GPC5: variants seen among roughly 807,000 people sequenced by gnomAD.
GPC5 encodes glypican-5.
GPC5 carries 47 observed loss-of-function variants against 53.9 expected under a neutral mutation model. The ratio of observed to expected loss-of-function variants is 0.87; its 90% CI spans 0.69 to 1.11. The LOEUF (loss-of-function observed/expected upper bound fraction) is 1.11, where lower values mean the gene tolerates loss of function less well. Among genes scored for constraint, GPC5 ranks in the 50% most tolerant of loss-of-function variants. GPC5 has a pLI of 0.00. For missense variants in GPC5, 748 were observed against 713.1 expected (o/e 1.05, Z -0.56); for synonymous variants, 286 against 263.3 (o/e 1.09, Z -0.84).
At chr13:92,433,784 T>C (rs1877192314) in intron 7 of GPC5, among the ~76,000 whole-genome samples, 1 of 152,006 alleles carries the variant, frequency 6.6e-6, no homozygotes, top group Non-Finnish European at 1.5e-5. Flanking sequence ...TGGCAGAGTT[T>C]GGAAAAAGTA....
chr13:91,730,246 G>A (rs1351706287), intron 4 of GPC5, among the ~76,000 whole-genome samples: 2 of 152,138 alleles, frequency 1.3e-5, no homozygotes, highest in African/African-American at 4.8e-5. Context: ...TTATTGTACA[G>A]GTTTCTCTGT....
intron 6 of GPC5, among the ~76,000 whole-genome samples, chr13:92,091,942 C>G (rs192801259): frequency 6.6e-6 from 1 of 152,232 alleles, no homozygotes; most frequent in Non-Finnish European, 1.5e-5. Flanking sequence ...TTTTTACTTT[C>G]ATTTGTAGTT....
At chr13:92,195,604 A>G (rs1357884140) in intron 7 of GPC5, among the ~76,000 whole-genome samples, 1 of 152,136 alleles carries the variant, frequency 6.6e-6, no homozygotes, top group African/African-American at 2.4e-5. Flanking sequence ...GTCAGTAGCC[A>G]TGGTGAAGTT....
At chr13:92,033,638 C>T (rs1444073612) in intron 6 of GPC5, among the ~76,000 whole-genome samples, 1 of 152,122 alleles carries the variant, frequency 6.6e-6, no homozygotes, top group African/African-American at 2.4e-5. Flanking sequence ...TCCCTCTCCC[C>T]CAGATTTTTC....
intron 7 of GPC5, among the ~76,000 whole-genome samples, chr13:92,297,929 C>T (rs556282621): frequency 4.3e-4 from 65 of 152,212 alleles, no homozygotes; most frequent in South Asian, 1.9e-3. Context: ...AACACGAGCC[C>T]ACTGGGAGGA....
chr13:92,602,743 A>G (rs374068350), intron 7 of GPC5, among the ~76,000 whole-genome samples: 7 of 152,208 alleles, frequency 4.6e-5, no homozygotes, highest in African/African-American at 1.4e-4. Context: ...CTAATTATCT[A>G]TGACAAAACA....
At chr13:91,952,207 GTA>G (rs10549690) in intron 6 of GPC5, among the ~76,000 whole-genome samples, 61,591 of 150,806 alleles carry the variant, frequency 0.41, 14,630 homozygotes, top group East Asian at 0.74. Flanking sequence ...GTGTGTGTGT[GTA>G]TGTATTTGTG....
chr13:92,646,271 T>TA (rs939919335), intron 7 of GPC5, among the ~76,000 whole-genome samples: 20 of 152,230 alleles, frequency 1.3e-4, no homozygotes, highest in African/African-American at 4.8e-4. Flanking sequence ...GCATCGTTTG[T>TA]AAAAAAGTCT....
intron 4 of GPC5, among the ~76,000 whole-genome samples, chr13:91,736,589 A>G (rs1335219038): frequency 6.6e-6 from 1 of 151,480 alleles, no homozygotes; most frequent in Non-Finnish European, 1.5e-5. Flanking sequence ...TAATTAAAAT[A>G]AAAGGAAAGA....
intron 1 of GPC5, among the ~76,000 whole-genome samples, chr13:91,422,708 G>T (rs1327796737): frequency 6.6e-6 from 1 of 152,078 alleles, no homozygotes; most frequent in Non-Finnish European, 1.5e-5. Context: ...GCTGCATCTG[G>T]TGAGGGCCTT....
At chr13:91,990,622 T>C (rs1438931000) in intron 6 of GPC5, among the ~76,000 whole-genome samples, 1 of 152,252 alleles carries the variant, frequency 6.6e-6, no homozygotes, top group Non-Finnish European at 1.5e-5. Flanking sequence ...TATTTTATAC[T>C]GAGTTTTAGA....
At chr13:91,849,781 T>C (rs1036072038) in intron 5 of GPC5, among the ~76,000 whole-genome samples, 2 of 152,236 alleles carry the variant, frequency 1.3e-5, no homozygotes, top group African/African-American at 2.4e-5. Flanking sequence ...TGTGGTACAT[T>C]ATGATGCATG....
At chr13:92,232,644 A>G (rs2042539426) in intron 7 of GPC5, among the ~76,000 whole-genome samples, 1 of 152,242 alleles carries the variant, frequency 6.6e-6, no homozygotes, top group Non-Finnish European at 1.5e-5. Context: ...AAGTTAAATC[A>G]GAAGGATAGA....
chr13:92,197,932 C>T (rs1372705096), intron 7 of GPC5, among the ~76,000 whole-genome samples: 2 of 152,110 alleles, frequency 1.3e-5, no homozygotes, highest in Non-Finnish European at 2.9e-5. Flanking sequence ...TAGTACATTG[C>T]AGCCATGTGG....
At chr13:92,481,036 A>T (rs1192954338) in intron 7 of GPC5, among the ~76,000 whole-genome samples, 1 of 152,112 alleles carries the variant, frequency 6.6e-6, no homozygotes, top group East Asian at 1.9e-4. Flanking sequence ...AGACAATGTC[A>T]CTCAGTGGGT....
At chr13:91,884,796 G>A (rs1735274433) in intron 5 of GPC5, among the ~76,000 whole-genome samples, 3 of 152,134 alleles carry the variant, frequency 2.0e-5, no homozygotes, top group Admixed American at 6.5e-5. Context: ...TGGACATTTT[G>A]AGTAAGCCTA....
intron 7 of GPC5, among the ~76,000 whole-genome samples, chr13:92,322,889 C>T: frequency 6.6e-6 from 1 of 151,998 alleles, no homozygotes; most frequent in East Asian, 1.9e-4. Flanking sequence ...GCATCTGCAT[C>T]TCACACCAGG....
chr13:92,767,133 TTTTGTTTG>T (rs147060737), intron 7 of GPC5, among the ~76,000 whole-genome samples: 1 of 152,104 alleles, frequency 6.6e-6, no homozygotes, highest in African/African-American at 2.4e-5. Flanking sequence ...GGCACATTGT[TTTTGTTTG>T]TTTGTTTGTT....
chr13:91,997,481 T>G (rs1197638670), intron 6 of GPC5, among the ~76,000 whole-genome samples: 1 of 152,130 alleles, frequency 6.6e-6, no homozygotes, highest in Non-Finnish European at 1.5e-5. Context: ...AGATATCTTC[T>G]TCCATGATGA....
Sources: gnomAD v4.1 joint callset for allele counts (sites outside exome capture counted in the v4.1 genomes callset) on GRCh38, gnomAD v4.1.1 for gene constraint, MANE v1.5 for transcripts, NCBI Gene and HGNC (gene_info 2026-07-23, HGNC 2026-07-21) for gene names.